Variants in ZDHHC13 observed in about 807,000 individuals in gnomAD.
ZDHHC13 encodes the protein zDHHC palmitoyltransferase 13, also known as palmitoyltransferase ZDHHC13.
In ZDHHC13, 85 loss-of-function variants were observed where a neutral mutation model predicts 86.0. That is an observed-to-expected ratio of 0.99 (90% CI 0.83 to 1.18). The LOEUF (loss-of-function observed/expected upper bound fraction) is 1.18, where lower values mean the gene tolerates loss of function less well. Ranked by LOEUF, ZDHHC13 falls within the 50% of genes most tolerant of loss-of-function variation. The pLI, the probability that ZDHHC13 is intolerant of heterozygous loss-of-function variation, is 0.00. For missense variants in ZDHHC13, 711 were observed against 730.2 expected, an observed-to-expected ratio of 0.97 and a Z score of 0.30; for synonymous variants, 263 against 246.4, an observed-to-expected ratio of 1.07 and a Z score of -0.63.
intron 1 of ZDHHC13, among the ~76,000 whole-genome samples, chr11:19,140,686 A>C (rs529908261): frequency 1.3e-5 from 2 of 152,218 alleles, no homozygotes; most frequent in South Asian, 4.2e-4. Context: ...ACAATGATAG[A>C]CTGGATTAAG....
chr11:19,130,885 G>T (rs566173307), intron 1 of ZDHHC13, among the ~76,000 whole-genome samples: 1 of 148,804 alleles, frequency 6.7e-6, no homozygotes, highest in Non-Finnish European at 1.5e-5. Flanking sequence ...TCGCTCTGTC[G>T]CCCAGGCTGG....
intron 1 of ZDHHC13, among the ~76,000 whole-genome samples, chr11:19,132,362 T>A (rs74737108): frequency 0.019 from 2,964 of 152,324 alleles, 98 homozygotes; most frequent in African/African-American, 0.068. Flanking sequence ...ATATCTCCAC[T>A]GAATAACCCA....
At chr11:19,141,753 A>T (rs1332642686) in intron 1 of ZDHHC13, among the ~76,000 whole-genome samples, 1 of 151,908 alleles carries the variant, frequency 6.6e-6, no homozygotes, top group Admixed American at 6.6e-5. Flanking sequence ...GAGATTAGAA[A>T]CACTCAAATT....
chr11:19,137,837 G>A (rs1481368149), intron 1 of ZDHHC13, among the ~76,000 whole-genome samples: 9 of 152,152 alleles, frequency 5.9e-5, no homozygotes, highest in Non-Finnish European at 1.0e-4. Context: ...AATGAAGGCA[G>A]AAATAAAGAT....
At chr11:19,174,973 G>T (rs185973848) in intron 16 of ZDHHC13, among the ~76,000 whole-genome samples, 13 of 152,322 alleles carry the variant, frequency 8.5e-5, no homozygotes, top group South Asian at 8.3e-4. Context: ...TATCTTTAAA[G>T]GGTTTTGATT....
At chr11:19,153,886 G>T (rs1849685072) in intron 8 of ZDHHC13, among the ~76,000 whole-genome samples, 1 of 148,852 alleles carries the variant, frequency 6.7e-6, no homozygotes, top group Non-Finnish European at 1.5e-5. Context: ...TACCACATAT[G>T]CAGTCCATTA....
At chr11:19,168,994 G>T in intron 14 of ZDHHC13, 1 of 985,446 alleles carries the variant, frequency 1.0e-6, no homozygotes, top group Non-Finnish European at 1.2e-6. Context: ...TTAGCCACTG[G>T]CCAGCTGATA....
chr11:19,139,459 G>A (rs908370662), intron 1 of ZDHHC13, among the ~76,000 whole-genome samples: 1 of 128,354 alleles, frequency 7.8e-6, no homozygotes, highest in African/African-American at 2.7e-5. Flanking sequence ...TGGGTAGGAA[G>A]AATCAATATT....
chr11:19,163,547 A>G (rs1590088306), intron 11 of ZDHHC13, 120 bp downstream of exon 11: 1 of 1,037,670 alleles, frequency 9.6e-7, no homozygotes, highest in East Asian at 3.2e-5. Flanking sequence ...GGGGTGATAT[A>G]GCAAAAATTA....
At chr11:19,139,053 G>A (rs1329749588) in intron 1 of ZDHHC13, among the ~76,000 whole-genome samples, 54 of 152,190 alleles carry the variant, frequency 3.5e-4, no homozygotes, top group Middle Eastern at 3.4e-3. Flanking sequence ...AGTGTTGGAA[G>A]TTCTGGCCAG....
At chr11:19,140,921 T>TG (rs1238374432) in intron 1 of ZDHHC13, among the ~76,000 whole-genome samples, 3,424 of 62,068 alleles carry the variant, frequency 0.055, 63 homozygotes, top group Middle Eastern at 0.23. Context: ...TGTTGTGGGG[T>TG]GGGGGGAGGG....
At chr11:19,163,235 A>G in intron 10 of ZDHHC13, 68 bp from the exon 11 acceptor site, 1 of 1,490,654 alleles carries the variant, frequency 6.7e-7, no homozygotes. Flanking sequence ...CCAATGATGA[A>G]ATTTGCTTAC....
At chr11:19,137,422 C>T (rs1849173891) in intron 1 of ZDHHC13, among the ~76,000 whole-genome samples, 1 of 152,028 alleles carries the variant, frequency 6.6e-6, no homozygotes, top group African/African-American at 2.4e-5. Context: ...TAAAGCAAGT[C>T]CTGAGCGACC....
chr11:19,150,446 G>A (rs1234754589), intron 5 of ZDHHC13, among the ~76,000 whole-genome samples: 2 of 152,044 alleles, frequency 1.3e-5, no homozygotes, highest in Non-Finnish European at 2.9e-5. Flanking sequence ...TCTTGTATTT[G>A]ATGGTAGCTA....
chr11:19,153,190 T>C (rs928330848), intron 8 of ZDHHC13, among the ~76,000 whole-genome samples: 1 of 152,220 alleles, frequency 6.6e-6, no homozygotes, highest in African/African-American at 2.4e-5. Context: ...TTTTGAGAGA[T>C]TAAATCCAAA....
intron 4 of ZDHHC13, among the ~76,000 whole-genome samples, chr11:19,148,083 A>C (rs1215099404): frequency 6.6e-6 from 1 of 152,174 alleles, no homozygotes; most frequent in African/African-American, 2.4e-5. Context: ...CAATTGAGTC[A>C]ACTCTTTTAA....
chr11:19,172,759 A>G lies in ZDHHC13; in HGVS notation c.1669A>G (p.Ser557Gly). Residue 557 changes from serine (S) to glycine (G), a missense_variant, in exon 16 of 17, where the codon AGC (serine) becomes GGC (glycine). Transcript: ENST00000446113. ...FLGLTSHERI[S>G]LQKQSKHMKQ... Reference sequence around the variant, plus strand: ...GGGCCTGACCTCCCATGAGAGAATCAGCCTGCAGAAGCAGAGCAAGCATAT... The same window carrying G: ...GGGCCTGACCTCCCATGAGAGAATCGGCCTGCAGAAGCAGAGCAAGCATAT... The G allele has an allele frequency of 6.2e-7, 1 of 1,605,682 alleles. No homozygotes were observed. The highest frequency in any genetic ancestry group is 8.5e-7 in the Non-Finnish European group (1 of 1,175,998).
intron 1 of ZDHHC13, among the ~76,000 whole-genome samples, chr11:19,126,767 G>A (rs561458699): frequency 1.1e-4 from 17 of 151,950 alleles, no homozygotes; most frequent in African/African-American, 2.9e-4. Flanking sequence ...AGCTCCATTC[G>A]TATTCCTGCA....
intron 16 of ZDHHC13, among the ~76,000 whole-genome samples, chr11:19,174,741 A>T (rs904105618): frequency 5.3e-5 from 8 of 152,268 alleles, no homozygotes; most frequent in African/African-American, 1.9e-4. Flanking sequence ...CTGGGCCTTG[A>T]GAACTGGTAG....
Sources: gnomAD v4.1 joint callset for allele counts (sites outside exome capture counted in the v4.1 genomes callset) on GRCh38, gnomAD v4.1.1 for gene constraint, MANE v1.5 for transcripts, NCBI Gene and HGNC (gene_info 2026-07-23, HGNC 2026-07-21) for gene names.